Variants in TBCEL observed in about 807,000 individuals in gnomAD.
TBCEL encodes the protein tubulin-specific chaperone cofactor E-like protein.
Under a neutral mutation model 44.2 loss-of-function variants are expected in TBCEL, and 15 were observed. The ratio of observed to expected loss-of-function variants is 0.34; its 90% CI spans 0.23 to 0.52. The LOEUF (loss-of-function observed/expected upper bound fraction) is 0.52, where lower values mean the gene tolerates loss of function less well. TBCEL is among the 20% of genes least tolerant of loss of function. The pLI is 0.95. For missense variants in TBCEL, 319 were observed against 506.3 expected, an observed-to-expected ratio of 0.63 and a Z score of 3.55; for synonymous variants, 171 against 185.4, an observed-to-expected ratio of 0.92 and a Z score of 0.63.
chr11:121,053,764 T>C (rs759242922), intron 5 of TBCEL, 32 bp downstream of exon 5: 2 of 1,605,538 alleles, frequency 1.2e-6, no homozygotes. Context: ...GCGAGGGAGT[T>C]ATGTTGCCAT....
rs1053242932 is a variant in TBCEL at position 121,077,743 on chromosome 11, C to T, written c.957-9035C>T. Among the ~76,000 whole-genome samples, 5 of 151,610 alleles carry T rather than the reference C, an allele frequency of 3.3e-5. No individual in the cohort carries two copies. In the South Asian group the frequency reaches 6.2e-4, roughly 19 times the overall value. On this transcript the variant is annotated intron_variant, in intron 8 of 8. Coordinates refer to ENST00000683345, the MANE Select transcript of TBCEL (RefSeq NM_001363644.2). ...TTCTTTTCTATTATAATATTTAATT[C>T]TATAAATTTTCCTTTAAGTGCTGCT...
intron 4 of TBCEL, among the ~76,000 whole-genome samples, chr11:121,052,703 A>T (rs1203485622): frequency 6.6e-6 from 1 of 151,842 alleles, no homozygotes; most frequent in Non-Finnish European, 1.5e-5. Flanking sequence ...TAAATATGGT[A>T]TATTGGAAAG....
chr11:121,047,378 C>G, intron 3 of TBCEL, 150 bp from the exon 4 acceptor site: 1 of 904,862 alleles, frequency 1.1e-6, no homozygotes, highest in Non-Finnish European at 1.6e-6. Context: ...GGATTCAGTA[C>G]CCTTTGGTCC....
intron 8 of TBCEL, among the ~76,000 whole-genome samples, chr11:121,067,861 C>G (rs1435335282): frequency 1.3e-5 from 2 of 152,148 alleles, no homozygotes; most frequent in African/African-American, 4.8e-5. Flanking sequence ...TACTGAATAC[C>G]TACTAAGGAC....
chr11:121,048,228 CTG>C (rs1417065465), intron 4 of TBCEL, among the ~76,000 whole-genome samples: 1 of 151,676 alleles, frequency 6.6e-6, no homozygotes, highest in Non-Finnish European at 1.5e-5. Flanking sequence ...ATTGTTGAAA[CTG>C]AGAATATATA....
At chr11:121,072,439 C>T (rs1034202566) in intron 8 of TBCEL, among the ~76,000 whole-genome samples, 5 of 151,984 alleles carry the variant, frequency 3.3e-5, no homozygotes, top group African/African-American at 1.2e-4. Flanking sequence ...ATATTTTATT[C>T]TACTTTATTT....
intron 8 of TBCEL, among the ~76,000 whole-genome samples, chr11:121,068,360 T>TC (rs1159345932): frequency 2.0e-5 from 3 of 151,346 alleles, no homozygotes; most frequent in Non-Finnish European, 4.4e-5. Context: ...TGATTTTTTT[T>TC]CTCCCACACC....
chr11:121,077,100 T>G (rs1410265961), intron 8 of TBCEL, among the ~76,000 whole-genome samples: 1 of 152,022 alleles, frequency 6.6e-6, no homozygotes, highest in Non-Finnish European at 1.5e-5. Flanking sequence ...GGGATATTGG[T>G]CTGTAATTTT....
intron 1 of TBCEL, chr11:121,035,971 G>A (rs1213760520): frequency 6.6e-6 from 1 of 152,146 alleles, no homozygotes; most frequent in Non-Finnish European, 1.5e-5. Flanking sequence ...TGTCTCGTGT[G>A]TGATGTTGTG....
At chr11:121,073,018 T>A (rs1164547020) in intron 8 of TBCEL, among the ~76,000 whole-genome samples, 5 of 152,128 alleles carry the variant, frequency 3.3e-5, no homozygotes, top group Non-Finnish European at 5.9e-5. Context: ...TATTTGTCCA[T>A]CCCTTGTACT....
At chr11:121,052,776 T>TAAA (rs1247542369) in intron 4 of TBCEL, among the ~76,000 whole-genome samples, 3 of 151,872 alleles carry the variant, frequency 2.0e-5, no homozygotes, top group Non-Finnish European at 4.4e-5. Context: ...CTTAGTCAAA[T>TAAA]TATTAGTCAG....
intron 8 of TBCEL, among the ~76,000 whole-genome samples, chr11:121,069,079 C>T (rs1398477737): frequency 6.6e-6 from 1 of 152,124 alleles, no homozygotes; most frequent in African/African-American, 2.4e-5. Flanking sequence ...AAATAGCACA[C>T]CTCTGTCTCC....
rs567547410 is a variant in TBCEL, at chr11:121,088,890, T to G, written c.*1794T>G. The stretch of plus-strand genomic sequence containing the variant: ...TGAGAAAGACGAATAAGGCCTATTC[T>G]CCTTCTGCTGCAGACTTTATCTTTC... On this transcript the variant is annotated 3_prime_UTR_variant, in exon 9 of 9. Transcript: ENST00000683345. The G allele has an allele frequency of 1.3e-5, 2 of 152,320 alleles. 1 individual carries two copies. The highest frequency in any genetic ancestry group is 4.1e-4 in the South Asian group (2 of 4,822). The allele number at this position is 152,320 out of a possible 1,614,324, so 9.4% of individuals were successfully genotyped here.
chr11:121,040,148 C>T (rs1203173183), intron 2 of TBCEL, among the ~76,000 whole-genome samples: 1 of 152,158 alleles, frequency 6.6e-6, no homozygotes, highest in Non-Finnish European at 1.5e-5. Context: ...CTTCCTGCTT[C>T]AGGAAGCACC....
At chr11:121,058,233 A>G (rs1945657505) in intron 6 of TBCEL, 112 bp from the exon 7 acceptor site, 3 of 1,291,450 alleles carry the variant, frequency 2.3e-6, no homozygotes, top group Admixed American at 2.3e-5. Flanking sequence ...CGTTTAGTTT[A>G]TGATCATTTT....
intron 4 of TBCEL, among the ~76,000 whole-genome samples, chr11:121,048,482 A>G (rs117158399): frequency 3.3e-5 from 5 of 152,026 alleles, no homozygotes; most frequent in Non-Finnish European, 7.4e-5. Flanking sequence ...AAGAAGGTTA[A>G]AATGTTCTTC....
intron 1 of TBCEL, among the ~76,000 whole-genome samples, chr11:121,027,027 A>G (rs978606332): frequency 1.3e-5 from 2 of 152,188 alleles, no homozygotes; most frequent in Admixed American, 6.5e-5. Context: ...AAAATCAGAT[A>G]TTTATATTTG....
chr11:121,028,468 G>A (rs1422188172), intron 1 of TBCEL, among the ~76,000 whole-genome samples: 1 of 152,166 alleles, frequency 6.6e-6, no homozygotes, highest in Non-Finnish European at 1.5e-5. Context: ...TAATTTTAGG[G>A]CCTTGAAGTC....
chr11:121,084,337 G>T (rs1347400127), intron 8 of TBCEL, among the ~76,000 whole-genome samples: 2 of 151,990 alleles, frequency 1.3e-5, no homozygotes, highest in Non-Finnish European at 2.9e-5. Context: ...ATCTCATTCT[G>T]CAGTTTATCA....
Sources: gnomAD v4.1 joint callset for allele counts (sites outside exome capture counted in the v4.1 genomes callset) on GRCh38, gnomAD v4.1.1 for gene constraint, MANE v1.5 for transcripts, NCBI Gene and HGNC (gene_info 2026-07-23, HGNC 2026-07-21) for gene names.